The following CDYL variants were observed in gnomAD, a reference collection of about 807,000 sequenced individuals.
The protein encoded by CDYL is chromodomain Y-like protein.
Under a neutral mutation model 47.3 loss-of-function variants are expected in CDYL, and 8 were observed. That is an observed-to-expected ratio of 0.17 (90% CI 0.10 to 0.31). CDYL has a LOEUF of 0.31. CDYL is among the 10% of genes least tolerant of loss of function. The pLI is 1.00. For missense variants in CDYL, 471 were observed against 701.4 expected (o/e 0.67, Z 3.71); for synonymous variants, 266 against 265.0 (o/e 1.00, Z -0.04).
At chr6:4,897,937 G>T (rs1762334255) in intron 2 of CDYL, among the ~76,000 whole-genome samples, 1 of 151,976 alleles carries the variant, frequency 6.6e-6, no homozygotes, top group African/African-American at 2.4e-5. Flanking sequence ...GGTGCCTGTA[G>T]TCCCAGCTAC....
chr6:4,757,241 T>G (rs1758089386), intron 3 of CDYL, among the ~76,000 whole-genome samples: 1 of 152,246 alleles, frequency 6.6e-6, no homozygotes, highest in East Asian at 1.9e-4. Context: ...AATGAGTTTT[T>G]TGGTTAAACT....
intron 3 of CDYL, among the ~76,000 whole-genome samples, chr6:4,766,474 G>A (rs1758253616): frequency 6.6e-6 from 1 of 152,026 alleles, no homozygotes; most frequent in African/African-American, 2.4e-5. Flanking sequence ...GCCTCCCAAA[G>A]TTCTGGGATT....
intron 1 of CDYL, among the ~76,000 whole-genome samples, chr6:4,807,919 T>C (rs1260295247): frequency 1.3e-5 from 2 of 152,096 alleles, no homozygotes; most frequent in Non-Finnish European, 2.9e-5. Context: ...TTTATGTCTT[T>C]ATGCACTTAG....
chr6:4,921,083 C>G (rs1404847006), intron 2 of CDYL, among the ~76,000 whole-genome samples: 2 of 152,046 alleles, frequency 1.3e-5, no homozygotes, highest in African/African-American at 4.8e-5. Context: ...AAATGGTGGT[C>G]TTCAATCCAG....
chr6:4,879,343 C>T (rs975939468), intron 1 of CDYL, among the ~76,000 whole-genome samples: 7 of 152,116 alleles, frequency 4.6e-5, no homozygotes, highest in Admixed American at 2.6e-4. Context: ...TATTTTGAAG[C>T]TGTTGTATTA....
At chr6:4,818,331 T>C (rs1347361437) in intron 1 of CDYL, among the ~76,000 whole-genome samples, 1 of 152,010 alleles carries the variant, frequency 6.6e-6, no homozygotes, top group Non-Finnish European at 1.5e-5. Context: ...TAAATGGTAT[T>C]GATATTGTTA....
At chr6:4,729,495 G>T (rs1757568851) in intron 2 of CDYL, among the ~76,000 whole-genome samples, 1 of 151,836 alleles carries the variant, frequency 6.6e-6, no homozygotes, top group Non-Finnish European at 1.5e-5. Flanking sequence ...TTAGAGAAGA[G>T]AATATTTGTC....
intron 1 of CDYL, among the ~76,000 whole-genome samples, chr6:4,830,753 C>G (rs1163974168): frequency 9.1e-6 from 1 of 109,888 alleles, no homozygotes; most frequent in South Asian, 3.9e-4. Flanking sequence ...TCCCTCCCCC[C>G]TCCCCCCACC....
At chr6:4,888,931 T>A (rs1761967499) in intron 1 of CDYL, among the ~76,000 whole-genome samples, 3 of 152,228 alleles carry the variant, frequency 2.0e-5, no homozygotes, top group Admixed American at 2.0e-4. Flanking sequence ...ATCATCCCCA[T>A]TTGGAGATAG....
intron 5 of CDYL, among the ~76,000 whole-genome samples, chr6:4,949,373 A>C (rs1482372452): frequency 1.3e-5 from 2 of 152,202 alleles, no homozygotes; most frequent in African/African-American, 4.8e-5. Context: ...CAGGTGGTAA[A>C]ACCTCTGCCA....
intron 6 of CDYL, among the ~76,000 whole-genome samples, 160 bp downstream of exon 6, chr6:4,952,569 C>T (rs1001617230): frequency 2.6e-5 from 4 of 152,178 alleles, no homozygotes; most frequent in African/African-American, 9.7e-5. Context: ...GCCACTGCCC[C>T]CACGCACGCC....
intron 5 of CDYL, 102 bp from the exon 6 acceptor site, chr6:4,952,164 G>A (rs1015600272): frequency 2.3e-5 from 31 of 1,360,784 alleles, no homozygotes; most frequent in Admixed American, 9.0e-5. Context: ...CTGCGGGGCT[G>A]GTATTTGTGA....
intron 1 of CDYL, among the ~76,000 whole-genome samples, chr6:4,800,960 A>G (rs1435429514): frequency 6.6e-6 from 1 of 152,160 alleles, no homozygotes; most frequent in Non-Finnish European, 1.5e-5. Context: ...TTTGGGAGAT[A>G]TTTCAGTTGT....
intron 1 of CDYL, among the ~76,000 whole-genome samples, chr6:4,831,093 A>G (rs1193889496): frequency 6.6e-6 from 1 of 152,116 alleles, no homozygotes; most frequent in Non-Finnish European, 1.5e-5. Flanking sequence ...TAGCAGCATG[A>G]TTTATAGTCC....
At chr6:4,951,617 G>T (rs141308400) in intron 5 of CDYL, among the ~76,000 whole-genome samples, 1 of 151,666 alleles carries the variant, frequency 6.6e-6, no homozygotes, top group Non-Finnish European at 1.5e-5. Flanking sequence ...GTCATTTTTC[G>T]CCACATTCAA....
chr6:4,895,055 AC>A (rs1312581774), intron 2 of CDYL, among the ~76,000 whole-genome samples: 1 of 142,320 alleles, frequency 7.0e-6, no homozygotes, highest in Non-Finnish European at 1.6e-5. Context: ...ATACACATGT[AC>A]ATATGGGTAT....
chr6:4,848,287 C>T (rs944520287), intron 1 of CDYL, among the ~76,000 whole-genome samples: 2 of 152,164 alleles, frequency 1.3e-5, no homozygotes, highest in African/African-American at 4.8e-5. Flanking sequence ...GGTAACATAA[C>T]TCCAGTATGG....
intron 1 of CDYL, among the ~76,000 whole-genome samples, chr6:4,711,350 C>G (rs1210795269): frequency 6.6e-6 from 1 of 152,202 alleles, no homozygotes; most frequent in East Asian, 1.9e-4. Flanking sequence ...ATCTAGCAAC[C>G]TCAAGGCTCT....
intron 2 of CDYL, among the ~76,000 whole-genome samples, chr6:4,925,343 A>C (rs779867859): frequency 1.3e-5 from 2 of 151,658 alleles, no homozygotes; most frequent in African/African-American, 4.8e-5. Context: ...TATATATTGA[A>C]TGGTTTATAC....
Sources: allele counts gnomAD v4.1 joint callset (sites outside exome capture counted in the v4.1 genomes callset), GRCh38; gene constraint gnomAD v4.1.1; transcripts MANE v1.5; gene names NCBI Gene and HGNC (gene_info 2026-07-23, HGNC 2026-07-21).